Variants in SRPK2 observed in about 807,000 individuals in gnomAD.
The protein encoded by SRPK2 is SFRS protein kinase 2.
Under a neutral mutation model 90.8 loss-of-function variants are expected in SRPK2, and 21 were observed. The observed-to-expected ratio is 0.23, with a 90% CI of 0.16 to 0.33. The LOEUF is 0.33. Ranked by LOEUF, SRPK2 falls within the 10% of genes least tolerant of loss-of-function variation. The pLI is 1.00. For synonymous variants in SRPK2, 288 were observed against 311.1 expected (o/e 0.93, Z 0.78); for missense variants, 620 against 869.0 (o/e 0.71, Z 3.60).
chr7:105,302,472 G>A (rs572171228), intron 2 of SRPK2, among the ~76,000 whole-genome samples: 1 of 152,280 alleles, frequency 6.6e-6, no homozygotes, highest in East Asian at 1.9e-4. Flanking sequence ...TCAGTGAACA[G>A]TTACTCCATA....
At chr7:105,164,196 A>G (rs1242498244) in intron 6 of SRPK2, among the ~76,000 whole-genome samples, 1 of 152,184 alleles carries the variant, frequency 6.6e-6, no homozygotes, top group East Asian at 1.9e-4. Context: ...GTTTTTTGGG[A>G]TGCTGAGGCA....
At chr7:105,283,434 C>T (rs914603985) in intron 2 of SRPK2, among the ~76,000 whole-genome samples, 7 of 152,132 alleles carry the variant, frequency 4.6e-5, no homozygotes, top group African/African-American at 1.7e-4. Context: ...GTGGTATATA[C>T]ATATGTAAAA....
At chr7:105,196,504 C>T (rs774698562) in intron 3 of SRPK2, among the ~76,000 whole-genome samples, 27 of 152,268 alleles carry the variant, frequency 1.8e-4, no homozygotes, top group South Asian at 1.7e-3. Flanking sequence ...CTGTCCTGTG[C>T]GCTGTGGAAC....
chr7:105,356,300 C>T (rs1027990295), intron 2 of SRPK2, among the ~76,000 whole-genome samples: 3 of 152,018 alleles, frequency 2.0e-5, no homozygotes, highest in African/African-American at 4.8e-5. Flanking sequence ...TAAAATAGGC[C>T]GTGCTCCATC....
intron 2 of SRPK2, among the ~76,000 whole-genome samples, chr7:105,261,721 T>G (rs779761191): frequency 2.0e-4 from 31 of 152,212 alleles, no homozygotes; most frequent in Non-Finnish European, 3.8e-4. Flanking sequence ...GTTGACATTT[T>G]GTGATGAAAG....
intron 3 of SRPK2, among the ~76,000 whole-genome samples, chr7:105,184,280 A>T (rs1046151604): frequency 6.6e-6 from 1 of 152,002 alleles, no homozygotes; most frequent in Non-Finnish European, 1.5e-5. Flanking sequence ...CACCTGGTCT[A>T]TTACTAATAT....
chr7:105,328,461 G>A (rs1298499450), intron 2 of SRPK2, among the ~76,000 whole-genome samples: 1 of 150,498 alleles, frequency 6.6e-6, no homozygotes, highest in East Asian at 2.0e-4. Context: ...TATTCAGGAG[G>A]CTGAGGCAGG....
At chr7:105,345,717 T>C (rs887311837) in intron 2 of SRPK2, among the ~76,000 whole-genome samples, 11 of 152,352 alleles carry the variant, frequency 7.2e-5, no homozygotes, top group African/African-American at 2.2e-4. Flanking sequence ...GGGCAAGAAA[T>C]TGGTGTCCAA....
intron 2 of SRPK2, among the ~76,000 whole-genome samples, chr7:105,228,348 C>A (rs1798979565): frequency 6.6e-6 from 1 of 152,120 alleles, no homozygotes; most frequent in Non-Finnish European, 1.5e-5. Context: ...ATAAAGAAAG[C>A]ACATCAACTC....
chr7:105,233,172 T>C (rs1799728261), intron 2 of SRPK2, among the ~76,000 whole-genome samples: 1 of 143,786 alleles, frequency 7.0e-6, no homozygotes, highest in Non-Finnish European at 1.5e-5. Flanking sequence ...AGGAAGGAGT[T>C]TAATGAAGGC....
chr7:105,325,226 T>C (rs1018510562), intron 2 of SRPK2, among the ~76,000 whole-genome samples: 1 of 152,176 alleles, frequency 6.6e-6, no homozygotes, highest in Non-Finnish European at 1.5e-5. Context: ...TTGAAACTAG[T>C]GGCTATGCTT....
chr7:105,230,860 C>T (rs190605510), intron 2 of SRPK2, among the ~76,000 whole-genome samples: 1 of 152,212 alleles, frequency 6.6e-6, no homozygotes, highest in East Asian at 1.9e-4. Flanking sequence ...CAACTATTAT[C>T]AAAAATCATT....
intron 3 of SRPK2, among the ~76,000 whole-genome samples, chr7:105,174,902 G>T (rs1030350902): frequency 6.6e-6 from 1 of 152,138 alleles, no homozygotes; most frequent in African/African-American, 2.4e-5. Flanking sequence ...ACAACAATTT[G>T]GGAGGCCGAG....
chr7:105,398,274 A>C (rs1372825132), intron 1 of SRPK2, among the ~76,000 whole-genome samples: 1 of 152,192 alleles, frequency 6.6e-6, no homozygotes. Flanking sequence ...GGAGTCACTA[A>C]ATCATGTTGC....
At chr7:105,268,908 G>A in intron 2 of SRPK2, 1 of 1,563,952 alleles carries the variant, frequency 6.4e-7, no homozygotes, top group Non-Finnish European at 8.7e-7. Flanking sequence ...AAGATTGCCT[G>A]CCCTTGCTTT....
At chr7:105,235,489 C>T (rs1800013997) in intron 2 of SRPK2, among the ~76,000 whole-genome samples, 2 of 151,820 alleles carry the variant, frequency 1.3e-5, no homozygotes, top group Non-Finnish European at 2.9e-5. Context: ...TGTGCATGTG[C>T]ATGCATTTTA....
intron 2 of SRPK2, among the ~76,000 whole-genome samples, chr7:105,257,063 G>T (rs1012047062): frequency 2.0e-5 from 3 of 152,136 alleles, no homozygotes; most frequent in Non-Finnish European, 4.4e-5. Context: ...AGCCACCCAC[G>T]AATGTGTCTT....
chr7:105,306,538 T>G (rs1394453003), intron 2 of SRPK2: 1 of 444,804 alleles, frequency 2.2e-6, no homozygotes, highest in African/African-American at 2.0e-5. Flanking sequence ...CAGTGAGGAG[T>G]CTTCTACCCT....
intron 2 of SRPK2, among the ~76,000 whole-genome samples, chr7:105,268,370 A>G (rs144175865): frequency 2.4e-4 from 37 of 152,344 alleles, no homozygotes; most frequent in Admixed American, 6.5e-4. Flanking sequence ...AAGAATAAAT[A>G]TTTATTACAA....
Sources: allele counts gnomAD v4.1 joint callset (sites outside exome capture counted in the v4.1 genomes callset), GRCh38; gene constraint gnomAD v4.1.1; transcripts MANE v1.5; gene names NCBI Gene and HGNC (gene_info 2026-07-23, HGNC 2026-07-21).